The following ATP12A variants were observed in gnomAD, a reference collection of about 807,000 sequenced individuals.
ATP12A encodes the protein ATPase H+/K+ transporting non-gastric alpha2 subunit, also known as potassium-transporting ATPase alpha chain 2.
In ATP12A, 81 loss-of-function variants were observed where a neutral mutation model predicts 111.2. That is an observed-to-expected ratio of 0.73 (90% confidence interval 0.61 to 0.88). The LOEUF is 0.88. ATP12A is among the 40% of genes least tolerant of loss of function. The probability of loss-of-function intolerance (pLI) is 0.00; values close to 1 mark genes in which losing one functional copy is unlikely to be tolerated. For missense variants in ATP12A, 1,196 were observed against 1,313.1 expected (o/e 0.91, Z 1.38); for synonymous variants, 498 against 499.8 (o/e 1.00, Z 0.05).
chr13:24,686,898 G>C (rs1009513862), intron 3 of ATP12A, among the ~76,000 whole-genome samples: 1 of 152,082 alleles, frequency 6.6e-6, no homozygotes, highest in Non-Finnish European at 1.5e-5. Context: ...TCGGGTGATG[G>C]GCTGGGGTGG....
chr13:24,705,178 T>G (rs1875571475), intron 14 of ATP12A, among the ~76,000 whole-genome samples: 1 of 152,186 alleles, frequency 6.6e-6, no homozygotes, highest in South Asian at 2.1e-4. Flanking sequence ...AAGCTGAGAT[T>G]TGAAGGCTGA....
At chr13:24,690,920 A>T (rs1390234222) in intron 7 of ATP12A, 62 bp from the exon 8 acceptor site, 1 of 1,597,310 alleles carries the variant, frequency 6.3e-7, no homozygotes, top group Non-Finnish European at 8.6e-7. Context: ...GAGGGCTGCA[A>T]GCTGGCTGCA....
chr13:24,711,978 GA>G lies in ATP12A; in HGVS notation c.*461del. 1.6e-5 allele frequency: 3 copies of G among 187,864 alleles called. No homozygotes were observed. Among genetic ancestry groups the G allele is most frequent in the South Asian group, 1.1e-4 (1 of 8,974 alleles). 11.6% of individuals were successfully genotyped at this position (187,864 alleles called of 1,614,324 possible). Reference sequence around the variant, plus strand: ...GTATGTTTTCATGGTCTCCTTGCTCGAAAAAGGCCAACTCACCCGAGGGTCT... The same window carrying G: ...GTATGTTTTCATGGTCTCCTTGCTCGAAAAGGCCAACTCACCCGAGGGTCT... On this transcript the variant is annotated 3_prime_UTR_variant, in exon 23 of 23. Transcript: ENST00000381946.
In ATP12A at chr13:24,692,647, C is replaced by G. The variant is rs376832286; in HGVS notation, c.1267+20C>G. On this transcript the variant is annotated intron_variant, in intron 9 of 22. Transcript: ENST00000381946. ...ATTCAAGTAAGTCTTATGGAGAGCTCGGTCTGGCCAAAGCTGTGGACTCCA... is the reference window on the plus strand; with the variant it reads ...ATTCAAGTAAGTCTTATGGAGAGCTGGGTCTGGCCAAAGCTGTGGACTCCA... 11 of 1,606,460 alleles carry G rather than the reference C, an allele frequency of 6.8e-6. No individual in the cohort carries two copies. The highest frequency in any genetic ancestry group is 9.4e-6 in the Non-Finnish European group (11 of 1,174,326).
In ATP12A at chr13:24,692,475, T is replaced by C. The variant is rs375256989; in HGVS notation, c.1115T>C (p.Leu372Pro). The C allele has an allele frequency of 9.3e-6, 15 of 1,614,066 alleles. No homozygotes were observed. In the African/African-American group the frequency reaches 2.0e-4, roughly 22 times the overall value. The change falls in exon 9 of 23, where the codon CTG becomes CCG. Residue 372 changes from leucine (L) to proline (P), a missense_variant. By Grantham distance (98) the Leu-to-Pro change is moderately conservative. This residue lies in a region of ATP12A where 1,126 missense variants were observed against 1,228.5 expected (regional missense o/e 0.92). Coordinates refer to ENST00000381946, the MANE Select transcript of ATP12A (RefSeq NM_001676.7). ...TAKRMAKKNC[L>P]VKNLEAVETL... Reference sequence around the variant, plus strand: ...AAACGGATGGCCAAGAAGAACTGCCTGGTGAAGAACCTGGAGGCTGTGGAG... The same window carrying C: ...AAACGGATGGCCAAGAAGAACTGCCCGGTGAAGAACCTGGAGGCTGTGGAG...
intron 14 of ATP12A, among the ~76,000 whole-genome samples, chr13:24,705,286 G>A (rs918983913): frequency 6.6e-6 from 1 of 152,350 alleles, no homozygotes; most frequent in African/African-American, 2.4e-5. Context: ...GATGGAGGAT[G>A]TCAGAACTGA....
At position 24,710,501 on chromosome 13, in the gene ATP12A, G is replaced by T. The variant is rs146443073; in HGVS notation, c.2805G>T (p.Thr935=). ...AATACCTAGAATGGACGGGCTACAC[G>T]GCTTTCTTTGTTGGCATCCTAGTCC... The part of the protein sequence containing the change: ...QREYLEWTGY[T]AFFVGILVQQ... The change falls in exon 20 of 23, where the codon ACG becomes ACT. Residue 935 remains threonine (T), a synonymous_variant. Coordinates refer to ENST00000381946, the MANE Select transcript of ATP12A (RefSeq NM_001676.7). 1 of 1,614,170 alleles carries T rather than the reference G, an allele frequency of 6.2e-7. No homozygotes were observed. The highest frequency in any genetic ancestry group is 1.1e-5 in the South Asian group (1 of 91,070).
At position 24,702,046 on chromosome 13, in the gene ATP12A, A is replaced by G. The variant is rs531248710; in HGVS notation, c.1993A>G (p.Ile665Val). The change falls in exon 14 of 23, where the codon ATT becomes GTT. Residue 665 changes from isoleucine to valine, a missense_variant. Physicochemically the swap from Ile to Val is conservative, Grantham distance 29. Coordinates refer to ENST00000381946, the MANE Select transcript of ATP12A (RefSeq NM_001676.7). Reference sequence around the variant, plus strand: ...GGAAGACATTGCACATCGCCTCAACATTGCTGTGGAGCAAGTTAACAAACG... The same window carrying G: ...GGAAGACATTGCACATCGCCTCAACGTTGCTGTGGAGCAAGTTAACAAACG... Reference protein sequence around the residue: ...TVEDIAHRLNIAVEQVNKRDA... With the variant: ...TVEDIAHRLNVAVEQVNKRDA... The G allele has an allele frequency of 3.7e-6, 6 of 1,614,116 alleles. No homozygotes were observed. The highest frequency in any genetic ancestry group is 1.7e-5 in the Admixed American group (1 of 60,016).
Position 24,686,777 on chromosome 13 carries a change from G to A in ATP12A, c.228+1404G>A, listed in dbSNP as rs9553419. The stretch of plus-strand genomic sequence containing the variant: ...AAGAAAGAAAGAAGGAAGGAAGGAA[G>A]GAAAGAAAGAAAGAAATTGCAGAGA... On this transcript the variant is annotated intron_variant, in intron 3 of 22. Coordinates refer to ENST00000381946, the MANE Select transcript of ATP12A (RefSeq NM_001676.7). Among the ~76,000 whole-genome samples, 12 of 149,788 alleles carry A rather than the reference G, an allele frequency of 8.0e-5. No individual in the cohort carries two copies. The East Asian group carries it at 8.1e-4, about 10-fold the overall frequency.
chr13:24,690,903 C>G lies in ATP12A; in HGVS notation c.800-79C>G. 9.5e-6 allele frequency: 15 copies of G among 1,572,596 alleles called. 1 individual carries two copies. The South Asian group carries it at 1.8e-4, about 18-fold the overall frequency. The stretch of plus-strand genomic sequence containing the variant: ...TGGTGTGCCTATCGATTGTGCCAGC[C>G]CCCAGAGAGGGCTGCAAGCTGGCTG... On this transcript the variant is annotated intron_variant, in intron 7 of 22. Transcript: ENST00000381946.
chr13:24,694,504 G>A lies in ATP12A; in HGVS notation c.1438G>A (p.Gly480Ser). The A allele has an allele frequency of 6.2e-7, 1 of 1,614,084 alleles. No individual in the cohort carries two copies. Among genetic ancestry groups the A allele is most frequent in the Non-Finnish European group, 8.5e-7 (1 of 1,180,008 alleles). The change falls in exon 11 of 23, where the codon GGT becomes AGT. Residue 480 changes from glycine to serine, a missense_variant. Around this residue, in one of 3 missense-constraint regions of ATP12A, gnomAD observed 1,126 missense variants for 1,228.5 expected, o/e 0.92. Coordinates refer to ENST00000381946, the MANE Select transcript of ATP12A (RefSeq NM_001676.7). ...ALLKFSEVIL[G>S]DVMEIRKRNR... ...TTTAAAATTCTCAGAGGTCATTTTG[G>A]GTGATGTGATGGAAATTAGAAAAAG...
In ATP12A at chr13:24,711,303, T is replaced by A; in HGVS notation, c.3000-15T>A. The A allele has an allele frequency of 1.3e-6, 2 of 1,584,202 alleles. No homozygotes were observed. The highest frequency in any genetic ancestry group is 2.3e-5 in the South Asian group (2 of 87,468). Reference sequence around the variant, plus strand: ...TGGATGAGTCAGGGTTCACTTTCCATCCCTTTGCTTCCAGGGCTCAGTACT... The same window carrying A: ...TGGATGAGTCAGGGTTCACTTTCCAACCCTTTGCTTCCAGGGCTCAGTACT... On this transcript the variant is annotated splice_polypyrimidine_tract_variant and intron_variant, in intron 21 of 22. Transcript: ENST00000381946.
intron 17 of ATP12A, 68 bp from the exon 18 acceptor site, chr13:24,709,296 C>A (rs1875850567): frequency 1.8e-6 from 2 of 1,103,660 alleles, no homozygotes; most frequent in Admixed American, 2.4e-5. Context: ...CCACCCCAGC[C>A]CCCCTCCCCT....
Position 24,691,148 on chromosome 13 carries a change from C to A in ATP12A, c.966C>A (p.Phe322Leu), listed in dbSNP as rs1399517913. ...GVAVSIGILFFIIAVSLKYQV... is the reference protein window; with the variant it reads ...GVAVSIGILFLIIAVSLKYQV... ...CTGTCTCCATCGGCATCCTTTTCTT[C>A]ATCATCGCTGTGTCCCTGAAGTATC... The change falls in exon 8 of 23, where the codon TTC becomes TTA. Residue 322 changes from phenylalanine to leucine, a missense_variant. This residue lies in a region of ATP12A where 1,126 missense variants were observed against 1,228.5 expected (regional missense o/e 0.92). Transcript: ENST00000381946. The A allele has an allele frequency of 1.9e-6, 3 of 1,614,206 alleles. No homozygotes were observed. The highest frequency in any genetic ancestry group is 2.5e-6 in the Non-Finnish European group (3 of 1,180,034).
intron 3 of ATP12A, 28 bp from the exon 4 acceptor site, chr13:24,688,291 G>C (rs372116885): frequency 1.3e-6 from 2 of 1,591,044 alleles, no homozygotes; most frequent in African/African-American, 2.7e-5. Context: ...TGTTTTGGTT[G>C]TGCATGTGCT....
intron 17 of ATP12A, 105 bp downstream of exon 17, chr13:24,707,538 A>C: frequency 2.1e-6 from 3 of 1,451,818 alleles, no homozygotes; most frequent in African/African-American, 1.4e-5. Context: ...AAGGCTTCTC[A>C]GCTTCCATGT....
rs75082667 is a variant in ATP12A, at chr13:24,709,992, T to G, written c.2763+164T>G. 2.8e-3 allele frequency among the ~76,000 whole-genome samples: 425 copies of G among 152,374 alleles called. 2 individuals carry two copies. Among genetic ancestry groups the G allele is most frequent in the African/African-American group, 9.4e-3 (390 of 41,604 alleles). ...ACACGTGTTTGGCCTTTGCCAGGTC[T>G]CATGGCACAGCCTCCTGTCTTGGGC... is the stretch of plus-strand genomic sequence containing the variant. On this transcript the variant is annotated intron_variant, in intron 19 of 22. Transcript: ENST00000381946.
intron 2 of ATP12A, among the ~76,000 whole-genome samples, chr13:24,682,273 GTGTGTGGTGTGTA>G (rs1874502334): frequency 7.0e-6 from 1 of 142,884 alleles, no homozygotes; most frequent in Non-Finnish European, 1.5e-5. Flanking sequence ...TGTGTGTGTA[GTGTGTGGTGTGTA>G]TGTGTGGTGT....
intron 3 of ATP12A, among the ~76,000 whole-genome samples, chr13:24,686,873 G>A (rs1874693082): frequency 6.6e-6 from 1 of 152,130 alleles, no homozygotes; most frequent in Non-Finnish European, 1.5e-5. Flanking sequence ...ACAGCAGCAG[G>A]AGGAGGAGAG....
Sources: gnomAD v4.1 joint callset for allele counts (sites outside exome capture counted in the v4.1 genomes callset) on GRCh38, gnomAD v4.1.1 for gene constraint, gnomAD v4.1.1 regional missense constraint, MANE v1.5 for transcripts, NCBI Gene and HGNC (gene_info 2026-07-23, HGNC 2026-07-21) for gene names.